TMEM79: variants seen among roughly 807,000 people sequenced by gnomAD.
The protein encoded by TMEM79 is transmembrane protein 79, also known as mattrin.
Under a neutral mutation model 31.2 loss-of-function variants are expected in TMEM79, and 30 were observed. The ratio of observed to expected loss-of-function variants is 0.96; its 90% CI spans 0.72 to 1.30. The LOEUF (loss-of-function observed/expected upper bound fraction) is 1.30. TMEM79 is among the 50% of genes most tolerant of loss of function. TMEM79 has a pLI of 0.00. For missense variants in TMEM79, 509 were observed against 528.2 expected (o/e 0.96, Z 0.36); for synonymous variants, 213 against 229.5 (o/e 0.93, Z 0.65).
chr1:156,287,975 G>A (rs1663215108), intron 3 of TMEM79, among the ~76,000 whole-genome samples: 1 of 151,786 alleles, frequency 6.6e-6, no homozygotes, highest in Non-Finnish European at 1.5e-5. Flanking sequence ...GGTACTTTGG[G>A]AGGCGGAGGC....
At position 156,285,944 on chromosome 1, in the gene TMEM79, C is replaced by A. The variant is rs763168041; in HGVS notation, c.718C>A (p.Leu240Met). 6.2e-7 allele frequency: 1 copy of A among 1,612,408 alleles called. No individual in the cohort carries two copies. The highest frequency in any genetic ancestry group is 8.5e-7 in the Non-Finnish European group (1 of 1,179,216). ...PTMSSRLIYTLRCGVFATFPI... is the reference protein window; with the variant it reads ...PTMSSRLIYTMRCGVFATFPI... ...CATGAGTTCCCGCCTGATCTACACA[C>A]TGCGCTGCGGGGTCTTTGCCACCTT... Residue 240 changes from leucine to methionine, a missense_variant, in exon 2 of 4, where the codon CTG becomes ATG. Leu to Met is a conservative substitution (Grantham distance 15, BLOSUM62 2). Coordinates refer to ENST00000405535, the MANE Select transcript of TMEM79 (RefSeq NM_032323.3).
At chr1:156,289,031 AATCCAGGTCCTTTTCCTCTCTT>A (rs1663243780) in intron 3 of TMEM79, among the ~76,000 whole-genome samples, 1 of 152,230 alleles carries the variant, frequency 6.6e-6, no homozygotes, top group African/African-American at 2.4e-5. Flanking sequence ...GCAGGACTAG[AATCCAGGTCCTTTTCCTCTCTT>A]ATCCAGGGTC....
intron 3 of TMEM79, among the ~76,000 whole-genome samples, chr1:156,287,910 G>A (rs1011836189): frequency 6.6e-6 from 1 of 151,696 alleles, no homozygotes; most frequent in Non-Finnish European, 1.5e-5. Context: ...GAGCCACTGC[G>A]CCTGGCCCTT....
At chr1:156,289,940 T>G (rs1663270035) in intron 3 of TMEM79, 1 of 152,194 alleles carries the variant, frequency 6.6e-6, no homozygotes, top group Non-Finnish European at 1.5e-5. Context: ...CCCCTCAAAT[T>G]GGCAGAAGGG....
chr1:156,287,572 G>T (rs577986179), intron 3 of TMEM79, among the ~76,000 whole-genome samples: 1 of 148,244 alleles, frequency 6.7e-6, no homozygotes, highest in East Asian at 2.0e-4. Flanking sequence ...AACCAAGGAT[G>T]TGTGAGCTCT....
In TMEM79 at chr1:156,286,289, T is replaced by G; in HGVS notation, c.787T>G (p.Cys263Gly). 6.2e-7 allele frequency: 1 copy of G among 1,614,250 alleles called. No individual in the cohort carries two copies. Among genetic ancestry groups the G allele is most frequent in the Non-Finnish European group, 8.5e-7 (1 of 1,180,038 alleles). The part of the protein sequence containing the change: ...GILVYGLSLL[C>G]FSALRPFGEP... ...CCTGGTGTACGGGCTGAGCCTGTTA[T>G]GCTTTTCTGCCCTTCGGCCCTTTGG... is the stretch of plus-strand genomic sequence containing the variant. Residue 263 changes from cysteine (C) to glycine (G), a missense_variant, in exon 3 of 4, where the codon TGC becomes GGC. By Grantham distance (159) the Cys-to-Gly change is radical. Coordinates refer to ENST00000405535, the MANE Select transcript of TMEM79 (RefSeq NM_032323.3).
At position 156,291,499 on chromosome 1, in the gene TMEM79, G is replaced by A; in HGVS notation, c.1086G>A (p.Val362=). 1 of 1,612,626 alleles carries A rather than the reference G, an allele frequency of 6.2e-7. No homozygotes were observed. The highest frequency in any genetic ancestry group is 8.5e-7 in the Non-Finnish European group (1 of 1,180,022). Residue 362 remains valine (V), a synonymous_variant, in exon 4 of 4, where the codon GTG becomes GTA. Coordinates refer to ENST00000405535, the MANE Select transcript of TMEM79 (RefSeq NM_032323.3). ...MLMWNLYYMF[V]VEPERMLTAT... is the part of the protein sequence containing the mutation. ...TGTGGAACCTCTACTACATGTTCGTGGTGGAGCCGGAGCGCATGCTCACTG... is the reference window on the plus strand; with the variant it reads ...TGTGGAACCTCTACTACATGTTCGTAGTGGAGCCGGAGCGCATGCTCACTG...
intron 3 of TMEM79, among the ~76,000 whole-genome samples, chr1:156,286,989 G>A (rs1280493247): frequency 6.6e-6 from 1 of 152,036 alleles, no homozygotes; most frequent in Non-Finnish European, 1.5e-5. Flanking sequence ...TGGGCATGGT[G>A]GTGCACACCT....
Position 156,285,412 on chromosome 1 carries a change from T to C in TMEM79, c.186T>C (p.Ala62=), listed in dbSNP as rs1663120588. Residue 62 remains alanine, a synonymous_variant, in exon 2 of 4, where the codon GCT becomes GCC. Transcript: ENST00000405535. ...GATCTCCCACAGCCATAGAGGGGGCTGAGGATGGTCTAGACAGCACAGTAA... is the reference window on the plus strand; with the variant it reads ...GATCTCCCACAGCCATAGAGGGGGCCGAGGATGGTCTAGACAGCACAGTAA... ...SAGSPTAIEG[A]EDGLDSTVSE... 1 of 1,606,854 alleles carries C rather than the reference T, an allele frequency of 6.2e-7. No homozygotes were observed. The highest frequency in any genetic ancestry group is 8.5e-7 in the Non-Finnish European group (1 of 1,175,810).
intron 2 of TMEM79, 76 bp downstream of exon 2, chr1:156,286,059 G>C: frequency 1.3e-6 from 2 of 1,537,318 alleles, no homozygotes; most frequent in East Asian, 4.5e-5. Flanking sequence ...TGGGGAGCAG[G>C]AGGATTTCCC....
chr1:156,284,548 A>T (rs1663092368), intron 1 of TMEM79, 142 bp downstream of exon 1: 1 of 152,640 alleles, frequency 6.6e-6, no homozygotes, highest in African/African-American at 2.4e-5. Context: ...GAAAACAGCC[A>T]TGATCAGACC....
rs372320855 is a variant in TMEM79, at chr1:156,291,500, G to A, written c.1087G>A (p.Val363Met). Residue 363 changes from valine to methionine, a missense_variant, in exon 4 of 4, where the codon GTG becomes ATG. Physicochemically the swap from Val to Met is conservative, Grantham distance 21. Transcript: ENST00000405535. ...LMWNLYYMFVVEPERMLTATE... is the reference protein window; with the variant it reads ...LMWNLYYMFVMEPERMLTATE... ...GTGGAACCTCTACTACATGTTCGTG[G>A]TGGAGCCGGAGCGCATGCTCACTGC... The A allele has an allele frequency of 1.5e-5, 24 of 1,612,514 alleles. No individual in the cohort carries two copies. The highest frequency in any genetic ancestry group is 3.3e-5 in the Admixed American group (2 of 60,008).
Position 156,291,412 on chromosome 1 carries a change from G to T in TMEM79, c.999G>T (p.Val333=). The change falls in exon 4 of 4, where the codon GTG becomes GTT. Residue 333 remains valine, a synonymous_variant. Coordinates refer to ENST00000405535, the MANE Select transcript of TMEM79 (RefSeq NM_032323.3). Reference sequence around the variant, plus strand: ...TGATCTACTGGCTGACCTTTGCCGTGGGCCGCTCCTTCCGAGGCTTCGGCT... The same window carrying T: ...TGATCTACTGGCTGACCTTTGCCGTTGGCCGCTCCTTCCGAGGCTTCGGCT... ...SRLIYWLTFA[V]GRSFRGFGYG... is the part of the protein sequence containing the mutation. 6.2e-7 allele frequency: 1 copy of T among 1,613,958 alleles called. No individual in the cohort carries two copies. Among genetic ancestry groups the T allele is most frequent in the Non-Finnish European group, 8.5e-7 (1 of 1,180,004 alleles).
Position 156,285,360 on chromosome 1 carries a change from A to G in TMEM79, c.134A>G (p.Glu45Gly). ...GGTGGGGCCGAATCCCCGGGAGCTG[A>G]GTCCCTCAGAGTGGGGTCTTCAGCT... The part of the protein sequence containing the change: ...GEGGAESPGA[E>G]SLRVGSSAGS... Residue 45 changes from glutamate to glycine, a missense_variant, in exon 2 of 4, where the codon GAG becomes GGG. Coordinates refer to ENST00000405535, the MANE Select transcript of TMEM79 (RefSeq NM_032323.3). The G allele has an allele frequency of 6.3e-7, 1 of 1,575,164 alleles. No homozygotes were observed. Among genetic ancestry groups the G allele is most frequent in the Non-Finnish European group, 8.6e-7 (1 of 1,161,478 alleles).
In TMEM79 at chr1:156,291,681, C is replaced by A; in HGVS notation, c.*83C>A. The A allele has an allele frequency of 7.4e-7, 1 of 1,350,462 alleles. No homozygotes were observed. The highest frequency in any genetic ancestry group is 1.1e-6 in the Non-Finnish European group (1 of 951,864). The allele number at this position is 1,350,462 out of a possible 1,614,324, so 83.7% of individuals were successfully genotyped here. A position where few individuals can be genotyped will look rare whatever the true frequency, so the allele number is the denominator to read the frequency against. ...GAACCTTGTGGCCAGGCCTGGACTT[C>A]GCCCCCAGGCCTAGGACCGCGGTGG... is the stretch of plus-strand genomic sequence containing the variant. On this transcript the variant is annotated 3_prime_UTR_variant, in exon 4 of 4. Transcript: ENST00000405535.
upstream of TMEM79, chr1:156,284,297 A>T (rs1218872136): frequency 6.6e-6 from 1 of 152,258 alleles, no homozygotes; most frequent in African/African-American, 2.4e-5. Context: ...AGACACAGGT[A>T]AAGGGAGGGA....
upstream of TMEM79, chr1:156,283,202 T>C (rs948938984): frequency 8.4e-5 from 17 of 202,784 alleles, no homozygotes; most frequent in East Asian, 2.3e-4. Flanking sequence ...CTTTCCCTTT[T>C]CCCCCATAAT....
At chr1:156,289,561 G>A (rs1193878042) in intron 3 of TMEM79, among the ~76,000 whole-genome samples, 3 of 152,170 alleles carry the variant, frequency 2.0e-5, no homozygotes, top group Non-Finnish European at 2.9e-5. Context: ...GCAGTGAGCC[G>A]AGATTGGGCC....
Position 156,291,639 on chromosome 1 carries a change from G to C in TMEM79, c.*41G>C, listed in dbSNP as rs1663341106. ...CCCTCGGAGTAGGGGGTAGCGGCTTGGGTCTGACACATCTTTGAACCTTGT... is the reference window on the plus strand; with the variant it reads ...CCCTCGGAGTAGGGGGTAGCGGCTTCGGTCTGACACATCTTTGAACCTTGT... On this transcript the variant is annotated 3_prime_UTR_variant, in exon 4 of 4. Transcript: ENST00000405535. 1 of 1,583,292 alleles carries C rather than the reference G, an allele frequency of 6.3e-7. No homozygotes were observed. The highest frequency in any genetic ancestry group is 8.7e-7 in the Non-Finnish European group (1 of 1,154,232).
Sources: gnomAD v4.1 joint callset for allele counts (sites outside exome capture counted in the v4.1 genomes callset) on GRCh38, gnomAD v4.1.1 for gene constraint, MANE v1.5 for transcripts, NCBI Gene and HGNC (gene_info 2026-07-23, HGNC 2026-07-21) for gene names.